LOC400499: variants seen among roughly 807,000 people sequenced by gnomAD.
chr16:11,488,858 A>G, the LOC400499 span: 1 of 398,868 alleles, frequency 2.5e-6, no homozygotes, highest in East Asian at 3.6e-5. Flanking sequence ...ACTCCACACA[A>G]AAGAACCCAC....
At chr16:11,391,876 C>A in the LOC400499 span, 22 of 1,200,342 alleles carry the variant, frequency 1.8e-5, no homozygotes, top group African/African-American at 2.8e-4. Context: ...ACAGGGAAAC[C>A]GAGGCAGAAT....
the LOC400499 span, chr16:11,392,128 G>A: frequency 7.5e-6 from 3 of 399,044 alleles, no homozygotes; most frequent in Admixed American, 4.4e-5. Flanking sequence ...AAGAGGCTGG[G>A]GCCTCGCAGG....
At chr16:11,486,306 A>G in the LOC400499 span, among the ~76,000 whole-genome samples, 1 of 127,808 alleles carries the variant, frequency 7.8e-6, no homozygotes, top group African/African-American at 3.4e-5. Context: ...TGAATGGTAC[A>G]TGGGTAGACA....
chr16:11,457,251 T>C, the LOC400499 span: 1 of 540,616 alleles, frequency 1.8e-6, no homozygotes, highest in Non-Finnish European at 3.2e-6. Context: ...ATGGTGGGAA[T>C]GTGAAATAGT....
chr16:11,438,383 A>G, the LOC400499 span, among the ~76,000 whole-genome samples: 1 of 152,208 alleles, frequency 6.6e-6, no homozygotes, highest in Non-Finnish European at 1.5e-5. Context: ...CATGCCTCTA[A>G]GAATAAGCAG....
the LOC400499 span, chr16:11,447,906 G>C: frequency 6.6e-7 from 1 of 1,525,606 alleles, no homozygotes; most frequent in Non-Finnish European, 8.8e-7. Flanking sequence ...TTGCAGGGGT[G>C]TCAGCTGAGC....
chr16:11,471,915 C>G, the LOC400499 span: 2 of 398,186 alleles, frequency 5.0e-6, no homozygotes, highest in African/African-American at 2.1e-5. Flanking sequence ...GAAACCTCTT[C>G]TCTAATTTCT....
the LOC400499 span, among the ~76,000 whole-genome samples, chr16:11,419,304 C>T: frequency 6.6e-6 from 1 of 151,948 alleles, no homozygotes; most frequent in Non-Finnish European, 1.5e-5. Flanking sequence ...CGCTTATCTA[C>T]AACTATCTGA....
At chr16:11,519,078 C>T in the LOC400499 span, 1 of 397,774 alleles carries the variant, frequency 2.5e-6, no homozygotes, top group Non-Finnish European at 4.4e-6. Flanking sequence ...TACATGAACC[C>T]ATGTTGGGGG....
chr16:11,409,053 G>A, the LOC400499 span, among the ~76,000 whole-genome samples: 4 of 151,894 alleles, frequency 2.6e-5, no homozygotes, highest in Non-Finnish European at 5.9e-5. Flanking sequence ...TTGAGGTCAG[G>A]AGTTCAAGAC....
chr16:11,460,131 C>G, the LOC400499 span: 1 of 1,215,984 alleles, frequency 8.2e-7, no homozygotes, highest in Non-Finnish European at 1.1e-6. Context: ...TAGCCACCCA[C>G]TCCAGGGATA....
chr16:11,413,512 A>G, the LOC400499 span, among the ~76,000 whole-genome samples: 1 of 152,148 alleles, frequency 6.6e-6, no homozygotes, highest in Non-Finnish European at 1.5e-5. Flanking sequence ...GGACGAGTTC[A>G]TGCCAAGTGA....
At chr16:11,493,124 G>A in the LOC400499 span, among the ~76,000 whole-genome samples, 1 of 152,132 alleles carries the variant, frequency 6.6e-6, no homozygotes, top group African/African-American at 2.4e-5. Flanking sequence ...ATCCCTCAGG[G>A]CCTGGGAAGT....
At chr16:11,451,902 T>G in the LOC400499 span, among the ~76,000 whole-genome samples, 1 of 152,036 alleles carries the variant, frequency 6.6e-6, no homozygotes, top group Non-Finnish European at 1.5e-5. Flanking sequence ...CCCTGCCCAG[T>G]TGCTCCCTTC....
At chr16:11,394,335 G>A in the LOC400499 span, among the ~76,000 whole-genome samples, 4 of 152,176 alleles carry the variant, frequency 2.6e-5, no homozygotes, top group South Asian at 2.1e-4. Context: ...ACACAAGCCC[G>A]GAGGAGGCCC....
the LOC400499 span, among the ~76,000 whole-genome samples, chr16:11,432,088 C>T: frequency 7.2e-5 from 11 of 152,264 alleles, no homozygotes; most frequent in African/African-American, 2.2e-4. Context: ...GGAAGAGCAC[C>T]GAGGTGCCAG....
At chr16:11,504,215 T>C in the LOC400499 span, among the ~76,000 whole-genome samples, 1 of 152,304 alleles carries the variant, frequency 6.6e-6, no homozygotes, top group Non-Finnish European at 1.5e-5. Context: ...AGGGCAGATC[T>C]AGGCAGGCTA....
the LOC400499 span, among the ~76,000 whole-genome samples, chr16:11,377,177 C>T: frequency 1.3e-5 from 2 of 152,190 alleles, no homozygotes; most frequent in African/African-American, 4.8e-5. Flanking sequence ...AGAAATGCAA[C>T]TGACTTTTGT....
At chr16:11,408,432 T>C in the LOC400499 span, among the ~76,000 whole-genome samples, 244 of 149,918 alleles carry the variant, frequency 1.6e-3, 1 homozygote, top group African/African-American at 5.4e-3. Flanking sequence ...CCTGGACACT[T>C]CAAAATTGTC....
Sources: allele counts gnomAD v4.1 joint callset (sites outside exome capture counted in the v4.1 genomes callset), GRCh38; gene constraint gnomAD v4.1.1; transcripts MANE v1.5.